The following GC variants were observed in gnomAD, a reference collection of about 807,000 sequenced individuals.
The protein encoded by GC is vitamin D-binding protein.
In GC, 43 loss-of-function variants were observed where a neutral mutation model predicts 56.7. The ratio of observed to expected loss-of-function variants is 0.76; its 90% CI spans 0.59 to 0.98. The LOEUF (loss-of-function observed/expected upper bound fraction) is 0.98. Among genes scored for constraint, GC ranks in the 50% least tolerant of loss-of-function variants. The pLI, the probability that GC is intolerant of heterozygous loss-of-function variation, is 0.00. For synonymous variants in GC, 216 were observed against 202.7 expected (o/e 1.07, Z -0.56); for missense variants, 529 against 545.9 (o/e 0.97, Z 0.31).
In GC at chr4:71,771,669, C is replaced by A. The variant is rs535270488; in HGVS notation, c.59-2269G>T. On this transcript the variant is annotated intron_variant, in intron 1 of 12. Coordinates refer to ENST00000273951, the MANE Select transcript of GC (RefSeq NM_000583.4). Reference sequence around the variant, plus strand: ...CTAATTGTTAGTGGAACCAAAAAAACCACTTGCAACAAACCTCTGTAATGT... The same window carrying A: ...CTAATTGTTAGTGGAACCAAAAAAAACACTTGCAACAAACCTCTGTAATGT... 9.8e-4 allele frequency among the ~76,000 whole-genome samples: 149 copies of A among 152,240 alleles called. 1 individual carries two copies. Among genetic ancestry groups the A allele is most frequent in the Middle Eastern group, 6.8e-3 (2 of 294 alleles).
rs890520214 is a variant in GC, at chr4:71,766,859, C to T, written c.262-1216G>A. Among the ~76,000 whole-genome samples, 3 of 152,112 alleles carry T rather than the reference C, an allele frequency of 2.0e-5. No individual in the cohort carries two copies. In the East Asian group the frequency reaches 5.8e-4, roughly 29 times the overall value. On this transcript the variant is annotated intron_variant, in intron 3 of 12. Coordinates refer to ENST00000273951, the MANE Select transcript of GC (RefSeq NM_000583.4). ...AAAAAAGGTTGACAAAATGTCAAAA[C>T]ACTTTTCAAAAATGTTTTGAACAAG...
At chr4:71,796,979 C>A (rs895292653) in intron 1 of GC, among the ~76,000 whole-genome samples, 3 of 152,224 alleles carry the variant, frequency 2.0e-5, no homozygotes, top group African/African-American at 7.2e-5. Flanking sequence ...CCCTGTTTGC[C>A]TGGGTGTCAC....
chr4:71,795,232 T>C (rs963359317), intron 1 of GC, among the ~76,000 whole-genome samples: 1 of 152,206 alleles, frequency 6.6e-6, no homozygotes, highest in Non-Finnish European at 1.5e-5. Context: ...TCTGTCTCAT[T>C]GATCTATCTA....
At chr4:71,801,176 A>T (rs982539838) in intron 1 of GC, among the ~76,000 whole-genome samples, 1 of 152,232 alleles carries the variant, frequency 6.6e-6, no homozygotes, top group African/African-American at 2.4e-5. Flanking sequence ...AAGGATCTGA[A>T]TAGATATTTC....
intron 1 of GC, among the ~76,000 whole-genome samples, chr4:71,777,237 T>C (rs1352843): frequency 0.089 from 13,527 of 151,862 alleles, 693 homozygotes; most frequent in Non-Finnish European, 0.1. Flanking sequence ...TGAAGGCTTA[T>C]TATTGGACAA....
chr4:71,743,075 A>G (rs2282678), intron 12 of GC, among the ~76,000 whole-genome samples: 12,638 of 152,170 alleles, frequency 0.083, 1,283 homozygotes, highest in African/African-American at 0.24. Flanking sequence ...GAAGAAAAAG[A>G]TTGATCAAGG....
chr4:71,803,613 A>T (rs888595822), intron 1 of GC, among the ~76,000 whole-genome samples: 7 of 152,162 alleles, frequency 4.6e-5, no homozygotes, highest in African/African-American at 1.4e-4. Context: ...ACTTTTGGTG[A>T]TCTTACTTCA....
intron 10 of GC, among the ~76,000 whole-genome samples, chr4:71,754,140 T>G (rs1741642601): frequency 6.6e-6 from 1 of 152,306 alleles, no homozygotes; most frequent in Middle Eastern, 3.4e-3. Context: ...GTCTAGGTTT[T>G]TAGTATAATC....
rs548699205 is a variant in GC, at chr4:71,772,182, G to A, written c.59-2782C>T. Among the ~76,000 whole-genome samples, 7 of 152,162 alleles carry A rather than the reference G, an allele frequency of 4.6e-5. No individual in the cohort carries two copies. In the South Asian group the frequency reaches 1.2e-3, roughly 27 times the overall value. ...TAATCTAGTCTCTTTTAAAAATAGCGAGAGATTATAAGGAATATTTTTTCC... is the reference window on the plus strand; with the variant it reads ...TAATCTAGTCTCTTTTAAAAATAGCAAGAGATTATAAGGAATATTTTTTCC... On this transcript the variant is annotated intron_variant, in intron 1 of 12. Transcript: ENST00000273951.
intron 6 of GC, among the ~76,000 whole-genome samples, chr4:71,762,737 T>C (rs1742023175): frequency 6.6e-6 from 1 of 151,840 alleles, no homozygotes; most frequent in Non-Finnish European, 1.5e-5. Flanking sequence ...AAAACAGGAG[T>C]TTCTCTGCAC....
chr4:71,791,122 C>T (rs1351278203), intron 1 of GC, among the ~76,000 whole-genome samples: 1 of 151,990 alleles, frequency 6.6e-6, no homozygotes, highest in Admixed American at 6.6e-5. Flanking sequence ...ATTTTCACAC[C>T]TCATACATCA....
At chr4:71,803,044 G>T (rs1743289326) in intron 1 of GC, among the ~76,000 whole-genome samples, 1 of 152,158 alleles carries the variant, frequency 6.6e-6, no homozygotes, top group Admixed American at 6.5e-5. Flanking sequence ...TAGAAAGAAA[G>T]GGATCTGGTG....
In GC at chr4:71,784,037, T is replaced by TG. The variant is rs1742768933; in HGVS notation, c.-20dup. On this transcript the variant is annotated 5_prime_UTR_variant, in exon 1 of 13. Coordinates refer to ENST00000273951, the MANE Select transcript of GC (RefSeq NM_000583.4). ...TCTTCATTTTTCTACCAGAGAGTCT[T>TG]GCAGCACCTCCTCTCTCCTGTAGGT... The TG allele has an allele frequency of 6.2e-7, 1 of 1,601,944 alleles. No homozygotes were observed. The highest frequency in any genetic ancestry group is 1.3e-5 in the African/African-American group (1 of 74,422).
upstream of GC, among the ~76,000 whole-genome samples, chr4:71,787,297 A>G (rs765315625): frequency 5.3e-5 from 8 of 151,872 alleles, no homozygotes; most frequent in Admixed American, 5.3e-4. Context: ...TTTGCTGTGT[A>G]TGTACATTAA....
intron 1 of GC, among the ~76,000 whole-genome samples, chr4:71,777,444 A>G (rs964613336): frequency 2.0e-5 from 3 of 151,504 alleles, no homozygotes; most frequent in African/African-American, 4.8e-5. Context: ...TGGAATGCCA[A>G]TGTTTTCTAT....
intron 1 of GC, among the ~76,000 whole-genome samples, chr4:71,794,871 T>C (rs1019325105): frequency 6.6e-6 from 1 of 152,228 alleles, no homozygotes. Context: ...TTTTTCTCAT[T>C]GGTTTCAAAG....
intron 4 of GC, among the ~76,000 whole-genome samples, chr4:71,764,651 G>T (rs528585279): frequency 3.4e-4 from 52 of 152,140 alleles, no homozygotes; most frequent in Non-Finnish European, 6.6e-4. Flanking sequence ...TTTTTTGGAA[G>T]AAATAATTTC....
intron 6 of GC, 74 bp from the exon 7 acceptor site, chr4:71,758,245 T>C: frequency 7.5e-7 from 1 of 1,329,050 alleles, no homozygotes; most frequent in African/African-American, 1.4e-5. Context: ...AACGCACTAT[T>C]TGGAGAAATA....
At chr4:71,768,476 T>C (rs753875905) in intron 2 of GC, 43 bp from the exon 3 acceptor site, 1 of 1,072,960 alleles carries the variant, frequency 9.3e-7, no homozygotes. Flanking sequence ...AACTGAAAGG[T>C]TTTTTTTTTT....
Sources: allele counts gnomAD v4.1 joint callset (sites outside exome capture counted in the v4.1 genomes callset), GRCh38; gene constraint gnomAD v4.1.1; transcripts MANE v1.5; gene names NCBI Gene and HGNC (gene_info 2026-07-23, HGNC 2026-07-21).